Variants in PLEKHA5 observed in about 807,000 individuals in gnomAD.
PLEKHA5 encodes pleckstrin homology domain containing A5, also known as pleckstrin homology domain-containing family A member 5.
In PLEKHA5, 55 loss-of-function variants were observed where a neutral mutation model predicts 181.9. That is an observed-to-expected ratio of 0.30 (90% CI 0.24 to 0.38). The LOEUF is 0.38. Among genes scored for constraint, PLEKHA5 ranks in the 10% least tolerant of loss-of-function variants. PLEKHA5 has a pLI of 1.00. For synonymous variants in PLEKHA5, 535 were observed against 529.4 expected, an observed-to-expected ratio of 1.01 and a Z score of -0.15; for missense variants, 1,432 against 1,549.5, an observed-to-expected ratio of 0.92 and a Z score of 1.27.
intron 3 of PLEKHA5, among the ~76,000 whole-genome samples, chr12:19,168,621 C>G (rs192308754): frequency 6.0e-4 from 92 of 152,288 alleles, no homozygotes; most frequent in Non-Finnish European, 1.1e-3. Context: ...GCATTCCCCC[C>G]TCCCATATAT....
intron 11 of PLEKHA5, among the ~76,000 whole-genome samples, chr12:19,280,771 C>T (rs1190976044): frequency 3.3e-5 from 5 of 150,960 alleles, no homozygotes; most frequent in Non-Finnish European, 7.4e-5. Context: ...CTGTCACCAG[C>T]ACGATTTCAG....
At chr12:19,286,322 C>T (rs1393300624) in intron 12 of PLEKHA5, among the ~76,000 whole-genome samples, 1 of 152,132 alleles carries the variant, frequency 6.6e-6, no homozygotes, top group South Asian at 2.1e-4. Flanking sequence ...ATCAAAAGTT[C>T]ATTGATAAGG....
intron 3 of PLEKHA5, among the ~76,000 whole-genome samples, chr12:19,229,831 G>A (rs189351597): frequency 2.1e-4 from 32 of 152,274 alleles, no homozygotes; most frequent in African/African-American, 7.5e-4. Context: ...CGTTTTGACA[G>A]GGTGCTGATT....
In PLEKHA5 at chr12:19,308,785, C is replaced by T. The variant is rs553165999; in HGVS notation, c.2038-6029C>T. Among the ~76,000 whole-genome samples, 120 of 152,114 alleles carry T rather than the reference C, an allele frequency of 7.9e-4. 4 individuals are homozygous for T. Among genetic ancestry groups the T allele is most frequent in the African/African-American group, 2.7e-3 (112 of 41,492 alleles). On this transcript the variant is annotated intron_variant, in intron 15 of 31. Transcript: ENST00000429027. ...AATCCGGCTGGGCACAGTGGCTCAC[C>T]CCTGTAATTTTAGCACTTTGGGAGG...
Position 19,361,726 on chromosome 12 carries a change from A to G in PLEKHA5, c.3608+20A>G. The G allele has an allele frequency of 6.3e-7, 1 of 1,584,478 alleles. No homozygotes were observed. The highest frequency in any genetic ancestry group is 1.8e-5 in the Admixed American group (1 of 54,424). The stretch of plus-strand genomic sequence containing the variant: ...ATTCAGGTAATATTTAAGAAAAGCA[A>G]AGGAATCATTCACAAAACTGTGTAA... On this transcript the variant is annotated intron_variant, in intron 29 of 31. Coordinates refer to ENST00000429027, the MANE Select transcript of PLEKHA5 (RefSeq NM_001256470.2).
chr12:19,132,000 T>TTA (rs2034032050), intron 2 of PLEKHA5, among the ~76,000 whole-genome samples: 1 of 152,176 alleles, frequency 6.6e-6, no homozygotes. Context: ...AATACGGTCT[T>TTA]AAATAGACAC....
At chr12:19,373,444 C>T (rs1383280853) in intron 31 of PLEKHA5, 2 of 151,256 alleles carry the variant, frequency 1.3e-5, no homozygotes, top group Non-Finnish European at 2.9e-5. Flanking sequence ...TTTGGGAGGC[C>T]GAGGCAGGCA....
intron 15 of PLEKHA5, among the ~76,000 whole-genome samples, chr12:19,298,021 A>G (rs1009979509): frequency 1.3e-5 from 2 of 152,208 alleles, no homozygotes; most frequent in South Asian, 2.1e-4. Context: ...CCTGGCCAAC[A>G]TGGTGAACCC....
chr12:19,257,892 C>T (rs34679590), intron 6 of PLEKHA5, among the ~76,000 whole-genome samples: 45,756 of 151,744 alleles, frequency 0.3, 7,254 homozygotes, highest in Middle Eastern at 0.4. Flanking sequence ...TACAAGGGTA[C>T]TCATTTTTCT....
chr12:19,182,214 A>C (rs2048774469), intron 3 of PLEKHA5, among the ~76,000 whole-genome samples: 1 of 152,214 alleles, frequency 6.6e-6, no homozygotes, highest in Non-Finnish European at 1.5e-5. Flanking sequence ...GTTTGGCCAG[A>C]TGAGGGCACT....
intron 17 of PLEKHA5, 104 bp from the exon 18 acceptor site, chr12:19,320,458 T>G: frequency 1.8e-6 from 1 of 546,322 alleles, no homozygotes; most frequent in Non-Finnish European, 3.2e-6. Context: ...AATCTATTTT[T>G]GTTATGTTAT....
chr12:19,279,165 T>C (rs979636458), intron 11 of PLEKHA5, among the ~76,000 whole-genome samples: 1 of 152,202 alleles, frequency 6.6e-6, no homozygotes, highest in Non-Finnish European at 1.5e-5. Flanking sequence ...TAATACCTTT[T>C]TATTTTTAAC....
intron 10 of PLEKHA5, 47 bp from the exon 11 acceptor site, chr12:19,274,469 G>T: frequency 1.6e-6 from 2 of 1,261,914 alleles, no homozygotes; most frequent in Non-Finnish European, 2.3e-6. Flanking sequence ...GAAGTAATAT[G>T]TACATTATTT....
At chr12:19,183,888 G>GT (rs1426028827) in intron 3 of PLEKHA5, among the ~76,000 whole-genome samples, 2 of 151,892 alleles carry the variant, frequency 1.3e-5, no homozygotes, top group East Asian at 1.9e-4. Flanking sequence ...TAATTTTTGT[G>GT]TTTTTTTGTA....
intron 3 of PLEKHA5, among the ~76,000 whole-genome samples, chr12:19,137,087 A>G (rs2035878947): frequency 6.6e-6 from 1 of 151,632 alleles, no homozygotes; most frequent in Non-Finnish European, 1.5e-5. Flanking sequence ...CTTGTTGCCC[A>G]GGCTGGCATG....
chr12:19,194,584 G>T (rs2052166245), intron 3 of PLEKHA5, among the ~76,000 whole-genome samples: 1 of 152,124 alleles, frequency 6.6e-6, no homozygotes. Context: ...AAATATGAAA[G>T]AATGGTCTGG....
intron 3 of PLEKHA5, among the ~76,000 whole-genome samples, chr12:19,184,701 T>C (rs2049407683): frequency 6.6e-6 from 1 of 152,174 alleles, no homozygotes; most frequent in African/African-American, 2.4e-5. Context: ...TTTGAATATT[T>C]TGGGTGTGGC....
intron 3 of PLEKHA5, among the ~76,000 whole-genome samples, chr12:19,178,839 A>C (rs2047902071): frequency 6.6e-6 from 1 of 152,232 alleles, no homozygotes; most frequent in South Asian, 2.1e-4. Flanking sequence ...AAAAACAAAC[A>C]ACTCTCAAAA....
rs774499901 is a variant in PLEKHA5 at position 19,283,428 on chromosome 12, A to G, written c.1462A>G (p.Lys488Glu). 2 of 1,614,124 alleles carry G rather than the reference A, an allele frequency of 1.2e-6. No homozygotes were observed. Among genetic ancestry groups the G allele is most frequent in the South Asian group, 1.1e-5 (1 of 91,084 alleles). Residue 488 changes from lysine to glutamate, a missense_variant, in exon 12 of 32, where the codon AAG (lysine) becomes GAG (glutamate). Lys to Glu is a moderately conservative substitution (Grantham distance 56, BLOSUM62 1). Around this residue, in one of 2 missense-constraint regions of PLEKHA5, gnomAD observed 1,143 missense variants for 1,168.4 expected, o/e 0.98. Coordinates refer to ENST00000429027, the MANE Select transcript of PLEKHA5 (RefSeq NM_001256470.2). ...CAGTGTAACCCCTTCCACTCATGAC[A>G]AGACATTAGGACCCGGAGCGGAGGA... ...ICSVTPSTHD[K>E]TLGPGAEEKR...
Sources: gnomAD v4.1 joint callset for allele counts (sites outside exome capture counted in the v4.1 genomes callset) on GRCh38, gnomAD v4.1.1 for gene constraint, gnomAD v4.1.1 regional missense constraint, MANE v1.5 for transcripts, NCBI Gene and HGNC (gene_info 2026-07-23, HGNC 2026-07-21) for gene names.